The following UGT1A7 variants were observed in gnomAD, a reference collection of about 807,000 sequenced individuals.
UGT1A7 encodes UDP glucuronosyltransferase family 1 member A7, also known as UDP-glucuronosyltransferase 1A7.
A neutral mutation model predicts 45.6 loss-of-function variants in UGT1A7; 33 were observed. That is an observed-to-expected ratio of 0.72 (90% CI 0.55 to 0.97). UGT1A7 has a LOEUF of 0.97. Ranked by LOEUF, UGT1A7 falls within the 50% of genes least tolerant of loss-of-function variation. UGT1A7 has a pLI of 0.00. For missense variants in UGT1A7, 684 were observed against 666.2 expected, an observed-to-expected ratio of 1.03 and a Z score of -0.29; for synonymous variants, 274 against 250.6, an observed-to-expected ratio of 1.09 and a Z score of -0.88.
At chr2:233,696,969 T>C (rs1331149699) in intron 1 of UGT1A7, among the ~76,000 whole-genome samples, 4 of 152,270 alleles carry the variant, frequency 2.6e-5, no homozygotes, top group Admixed American at 2.6e-4. Flanking sequence ...TATTATTGGA[T>C]TTGGTTTGCT....
chr2:233,760,123 C>T, intron 1 of UGT1A7: 1 of 1,299,838 alleles, frequency 7.7e-7, no homozygotes, highest in East Asian at 2.5e-5. Context: ...AATAAAGCTC[C>T]ACCTTCTTTA....
intron 1 of UGT1A7, among the ~76,000 whole-genome samples, chr2:233,757,535 A>AATATATATACATAT (rs376887521): frequency 1.4e-4 from 12 of 88,292 alleles, no homozygotes; most frequent in Admixed American, 3.3e-4. Context: ...GCCTGTAAGG[A>AATATATATACATAT]ATATATATAT....
In UGT1A7 at chr2:233,760,900, AC is replaced by A. The variant is rs1697605792; in HGVS notation, c.856-6132del. 3.1e-6 allele frequency: 5 copies of A among 1,613,652 alleles called. No individual in the cohort carries two copies. The highest frequency in any genetic ancestry group is 3.3e-5 in the Admixed American group (2 of 59,970). On this transcript the variant is annotated intron_variant, in intron 1 of 4. Coordinates refer to ENST00000373426, the MANE Select transcript of UGT1A7 (RefSeq NM_019077.3). The stretch of plus-strand genomic sequence containing the variant: ...TCTCTCCTCTCATTCAGATCACATG[AC>A]CTTCCTGCAGCGGGTGAAGAACATG...
chr2:233,747,450 T>A, intron 1 of UGT1A7: 1 of 1,609,050 alleles, frequency 6.2e-7, no homozygotes, highest in Non-Finnish European at 8.5e-7. Flanking sequence ...CCTGACAACC[T>A]ATGCCATTTC....
chr2:233,758,064 T>C (rs941779241), intron 1 of UGT1A7, among the ~76,000 whole-genome samples: 1 of 152,184 alleles, frequency 6.6e-6, no homozygotes, highest in African/African-American at 2.4e-5. Context: ...CTAACTTGAC[T>C]TTCTGGGCCT....
chr2:233,684,971 G>A (rs796396541), intron 1 of UGT1A7, among the ~76,000 whole-genome samples: 38 of 152,170 alleles, frequency 2.5e-4, no homozygotes, highest in African/African-American at 8.9e-4. Flanking sequence ...AGAAAGCATT[G>A]CTTGATGATG....
Position 233,754,896 on chromosome 2 carries a change from C to T in UGT1A7, c.856-12138C>T, listed in dbSNP as rs755836502. 29 of 1,350,518 alleles carry T rather than the reference C, an allele frequency of 2.1e-5. No homozygotes were observed. The African/African-American group carries it at 3.1e-4, about 15-fold the overall frequency. The allele number at this position is 1,350,518 out of a possible 1,614,324, so 83.7% of individuals were successfully genotyped here. A position where few individuals can be genotyped will look rare whatever the true frequency, so the allele number is the denominator to read the frequency against. On this transcript the variant is annotated intron_variant, in intron 1 of 4. Transcript: ENST00000373426. ...TCTGCTTCCCAGGGAGTTCCTCTGA[C>T]CCCCCAAAATATTCTCCAGCGGGTT...
At chr2:233,730,116 T>C in intron 1 of UGT1A7, 1 of 1,558,872 alleles carries the variant, frequency 6.4e-7, no homozygotes, top group Non-Finnish European at 8.7e-7. Flanking sequence ...TGCTTCTCCT[T>C]GTCATAATAG....
chr2:233,703,342 T>C (rs1204412356), intron 1 of UGT1A7, among the ~76,000 whole-genome samples: 1 of 152,166 alleles, frequency 6.6e-6, no homozygotes, highest in Non-Finnish European at 1.5e-5. Flanking sequence ...CTCTCTTTTT[T>C]CTTTGTTAAT....
At chr2:233,695,565 C>A (rs189186940) in intron 1 of UGT1A7, among the ~76,000 whole-genome samples, 60 of 151,312 alleles carry the variant, frequency 4.0e-4, no homozygotes, top group African/African-American at 1.4e-3. Flanking sequence ...ACCATTTTCA[C>A]CCCCCCTTCC....
At chr2:233,734,582 T>C (rs1259652945) in intron 1 of UGT1A7, among the ~76,000 whole-genome samples, 1 of 152,210 alleles carries the variant, frequency 6.6e-6, no homozygotes, top group African/African-American at 2.4e-5. Context: ...CTCTTGCTTA[T>C]CTAGTTCTTT....
rs769029902 is a variant in UGT1A7, at chr2:233,746,869, C to G, written c.856-20165C>G. Among the ~76,000 whole-genome samples, 366 of 151,862 alleles carry G rather than the reference C, an allele frequency of 2.4e-3. 1 individual carries two copies. Among genetic ancestry groups the G allele is most frequent in the Non-Finnish European group, 3.4e-3 (229 of 68,000 alleles). ...CAGACCTCAGCTGCAGCCTGATAAA[C>G]GTGGTTAACAGAGAAGTAGGAGGCT... On this transcript the variant is annotated intron_variant, in intron 1 of 4. Coordinates refer to ENST00000373426, the MANE Select transcript of UGT1A7 (RefSeq NM_019077.3).
intron 1 of UGT1A7, among the ~76,000 whole-genome samples, chr2:233,741,240 A>G (rs530886202): frequency 6.6e-6 from 1 of 152,014 alleles, no homozygotes; most frequent in East Asian, 1.9e-4. Flanking sequence ...CCTCTGAGTG[A>G]CACTGGTATG....
rs59292838 is a variant in UGT1A7, at chr2:233,748,466, A to G, written c.856-18568A>G. On this transcript the variant is annotated intron_variant, in intron 1 of 4. Transcript: ENST00000373426. ...ACAATTTTCAGGGGAAAGATGATGC[A>G]ACAGCAAATTACAATTGTTAATGTG... is the stretch of plus-strand genomic sequence containing the variant. Among the ~76,000 whole-genome samples, 894 of 151,982 alleles carry G rather than the reference A, an allele frequency of 5.9e-3. 32 individuals carry two copies. The highest frequency in any genetic ancestry group is 0.021 in the African/African-American group (860 of 41,252).
At chr2:233,747,229 C>A in intron 1 of UGT1A7, 1 of 1,605,300 alleles carries the variant, frequency 6.2e-7, no homozygotes, top group Non-Finnish European at 8.5e-7. Flanking sequence ...CACAGGACCC[C>A]AGGTTCCCCT....
chr2:233,722,106 A>G, intron 1 of UGT1A7: 1 of 195,622 alleles, frequency 5.1e-6, no homozygotes, highest in South Asian at 1.0e-4. Flanking sequence ...TCTTAGAGGA[A>G]GAGCTATCAT....
In UGT1A7 at chr2:233,728,991, T is replaced by C. The variant is rs868429591; in HGVS notation, c.856-38043T>C. On this transcript the variant is annotated intron_variant, in intron 1 of 4. Transcript: ENST00000373426. ...GATAGATTAATGGTTAATAATTAAC[T>C]AGAGGAGGGCACTCTGTCTTCCAAT... 5.2e-5 allele frequency: 80 copies of C among 1,542,528 alleles called. No homozygotes were observed. The African/African-American group carries it at 1.0e-3, about 20-fold the overall frequency.
At chr2:233,757,844 A>G (rs1442911565) in intron 1 of UGT1A7, among the ~76,000 whole-genome samples, 1 of 151,968 alleles carries the variant, frequency 6.6e-6, no homozygotes. Context: ...CTACTAACTT[A>G]TGTCTTCAGC....
At chr2:233,754,577 C>T (rs1133490) in intron 1 of UGT1A7, 2 of 424,484 alleles carry the variant, frequency 4.7e-6, no homozygotes, top group Non-Finnish European at 9.4e-6. Context: ...TGCTCTATGC[C>T]GTTTATTATG....
Sources: allele counts gnomAD v4.1 joint callset (sites outside exome capture counted in the v4.1 genomes callset), GRCh38; gene constraint gnomAD v4.1.1; transcripts MANE v1.5; gene names NCBI Gene and HGNC (gene_info 2026-07-23, HGNC 2026-07-21).